APBB2: variants seen among roughly 807,000 people sequenced by gnomAD.
APBB2 encodes the protein Fe65-like 1.
Under a neutral mutation model 82.5 loss-of-function variants are expected in APBB2, and 38 were observed. The ratio of observed to expected loss-of-function variants is 0.46; its 90% CI spans 0.36 to 0.60. APBB2 has a LOEUF of 0.60. Ranked by LOEUF, APBB2 falls within the 20% of genes least tolerant of loss-of-function variation. APBB2 has a pLI of 0.00. For synonymous variants in APBB2, 341 were observed against 368.2 expected, an observed-to-expected ratio of 0.93 and a Z score of 0.85; for missense variants, 772 against 972.3, an observed-to-expected ratio of 0.79 and a Z score of 2.74.
At chr4:40,949,931 A>G (rs771946917) in intron 6 of APBB2, among the ~76,000 whole-genome samples, 15 of 152,172 alleles carry the variant, frequency 9.9e-5, no homozygotes, top group Non-Finnish European at 1.5e-4. Context: ...TGGGTGTGTC[A>G]TGTGCAACAG....
chr4:41,039,108 C>A (rs1012668143), intron 4 of APBB2, among the ~76,000 whole-genome samples: 3 of 152,176 alleles, frequency 2.0e-5, no homozygotes. Context: ...TATATTAAAA[C>A]CATGTTTAGA....
intron 6 of APBB2, among the ~76,000 whole-genome samples, chr4:40,976,699 G>A (rs533733973): frequency 8.3e-4 from 126 of 152,238 alleles, no homozygotes; most frequent in Middle Eastern, 3.4e-3. Flanking sequence ...ACACAGCACT[G>A]GGGCTCAGGA....
At chr4:41,024,468 T>G (rs552854927) in intron 5 of APBB2, among the ~76,000 whole-genome samples, 1 of 152,090 alleles carries the variant, frequency 6.6e-6, no homozygotes, top group Non-Finnish European at 1.5e-5. Context: ...AGGGAGGAAA[T>G]TGAAGAACGA....
At chr4:41,189,334 T>C (rs1018033322) in intron 1 of APBB2, among the ~76,000 whole-genome samples, 1 of 152,056 alleles carries the variant, frequency 6.6e-6, no homozygotes, top group East Asian at 1.9e-4. Flanking sequence ...GTGATAAAGA[T>C]ACAATGGGAG....
chr4:41,087,121 C>G (rs1740052760), intron 3 of APBB2, among the ~76,000 whole-genome samples: 2 of 152,116 alleles, frequency 1.3e-5, no homozygotes, highest in African/African-American at 4.8e-5. Context: ...GTCTGGGAGA[C>G]AGACTGAGGC....
Position 40,841,622 on chromosome 4 carries a change from A to G in APBB2, c.1530-11045T>C, listed in dbSNP as rs531156486. On this transcript the variant is annotated intron_variant, in intron 12 of 17. Coordinates refer to ENST00000508593, the MANE Select transcript of APBB2 (RefSeq NM_004307.2). ...CTGGCTAGGCTAGTAGCCTAGTGCC[A>G]ACCCTTACCAATCAAATTCTAGAGA... Among the ~76,000 whole-genome samples, 10 of 152,154 alleles carry G rather than the reference A, an allele frequency of 6.6e-5. No homozygotes were observed. The East Asian group carries it at 1.9e-3, about 29-fold the overall frequency.
At chr4:40,908,158 G>A (rs1001201540) in intron 10 of APBB2, among the ~76,000 whole-genome samples, 2 of 152,012 alleles carry the variant, frequency 1.3e-5, no homozygotes, top group Admixed American at 1.3e-4. Flanking sequence ...CAGAGAATAG[G>A]CCATGTAAGG....
intron 10 of APBB2, among the ~76,000 whole-genome samples, chr4:40,931,540 C>T (rs899046563): frequency 6.6e-6 from 1 of 152,178 alleles, no homozygotes. Context: ...GCCACTGTAC[C>T]AGCTTGCAAA....
chr4:41,042,556 T>G (rs1274475010), intron 4 of APBB2, among the ~76,000 whole-genome samples: 2 of 152,196 alleles, frequency 1.3e-5, no homozygotes, highest in African/African-American at 4.8e-5. Context: ...TCAGAATGTA[T>G]GGACCCATTT....
In APBB2 at chr4:40,814,348, TCTTAGTATATGC is replaced by T. The variant is rs1431842218; in HGVS notation, c.*1732_*1743del. Reference sequence around the variant, plus strand: ...CAATAGATCTTTCCATACCTGCTCTTCTTAGTATATGCCCAGAATCATTCTGGAAAGGCTCTT... The same window carrying T: ...CAATAGATCTTTCCATACCTGCTCTTCCAGAATCATTCTGGAAAGGCTCTT... On this transcript the variant is annotated 3_prime_UTR_variant, in exon 18 of 18. Transcript: ENST00000508593. 6.7e-6 allele frequency: 1 copy of T among 150,042 alleles called. No individual in the cohort carries two copies. The highest frequency in any genetic ancestry group is 2.5e-5 in the African/African-American group (1 of 40,612). The allele number at this position is 150,042 out of a possible 1,614,324, so 9.3% of individuals were successfully genotyped here. A position where few individuals can be genotyped will look rare whatever the true frequency, so the allele number is the denominator to read the frequency against.
intron 10 of APBB2, among the ~76,000 whole-genome samples, chr4:40,930,434 TGTGTGTGTGTGTGTGCGC>T (rs1412750624): frequency 1.8e-3 from 70 of 38,778 alleles, no homozygotes; most frequent in African/African-American, 4.9e-3. Context: ...TGTGTGTGTG[TGTGTGTGTGTGTGTGCGC>T]GCGCGCGCGC....
intron 10 of APBB2, among the ~76,000 whole-genome samples, chr4:40,927,280 C>T (rs766705045): frequency 7.9e-5 from 12 of 152,158 alleles, no homozygotes; most frequent in South Asian, 4.1e-4. Context: ...TTGAAAATGA[C>T]GTGTTATACA....
intron 1 of APBB2, among the ~76,000 whole-genome samples, chr4:41,153,536 C>T (rs1298363951): frequency 6.6e-6 from 1 of 152,334 alleles, no homozygotes; most frequent in Non-Finnish European, 1.5e-5. Context: ...GTCCGGAAAT[C>T]TTACTGATCA....
At chr4:40,889,782 C>T (rs1200825884) in intron 12 of APBB2, among the ~76,000 whole-genome samples, 1 of 152,120 alleles carries the variant, frequency 6.6e-6, no homozygotes, top group Non-Finnish European at 1.5e-5. Context: ...ATAAATAACA[C>T]ATTTTCAGTA....
At chr4:40,947,514 T>A (rs1055231569) in intron 6 of APBB2, among the ~76,000 whole-genome samples, 1 of 152,252 alleles carries the variant, frequency 6.6e-6, no homozygotes, top group Non-Finnish European at 1.5e-5. Flanking sequence ...AGAGGTATCA[T>A]GAGAGGAACT....
At chr4:40,825,216 T>C (rs1205881906) in intron 15 of APBB2, among the ~76,000 whole-genome samples, 3 of 152,236 alleles carry the variant, frequency 2.0e-5, no homozygotes, top group African/African-American at 4.8e-5. Flanking sequence ...ACGTTTTCAC[T>C]TCTCTTGGGT....
chr4:40,985,374 G>A (rs574755944), intron 6 of APBB2, among the ~76,000 whole-genome samples: 91 of 152,192 alleles, frequency 6.0e-4, no homozygotes, highest in African/African-American at 2.1e-3. Context: ...AGGAAGCTAT[G>A]TTTAATTGAG....
intron 2 of APBB2, among the ~76,000 whole-genome samples, chr4:41,106,623 C>T (rs1747341782): frequency 6.6e-6 from 1 of 151,998 alleles, no homozygotes; most frequent in Admixed American, 6.6e-5. Context: ...ACTACAGGCG[C>T]CCGCCACCAC....
At chr4:41,152,475 A>T (rs1351301933) in intron 1 of APBB2, among the ~76,000 whole-genome samples, 2 of 151,526 alleles carry the variant, frequency 1.3e-5, no homozygotes, top group Non-Finnish European at 2.9e-5. Flanking sequence ...GGCGCCCACC[A>T]CCAACCATGT....
Sources: gnomAD v4.1 joint callset for allele counts (sites outside exome capture counted in the v4.1 genomes callset) on GRCh38, gnomAD v4.1.1 for gene constraint, MANE v1.5 for transcripts, NCBI Gene and HGNC (gene_info 2026-07-23, HGNC 2026-07-21) for gene names.